Variants in PCLO observed in about 807,000 individuals in gnomAD.
The protein encoded by PCLO is protein piccolo.
In PCLO, 82 loss-of-function variants were observed where a neutral mutation model predicts 427.5. The observed-to-expected ratio is 0.19, with a 90% CI of 0.16 to 0.23. The LOEUF (loss-of-function observed/expected upper bound fraction) is 0.23, where lower values mean the gene tolerates loss of function less well. Among genes scored for constraint, PCLO ranks in the 10% least tolerant of loss-of-function variants. The probability of loss-of-function intolerance (pLI) is 1.00; values close to 1 mark genes in which losing one functional copy is unlikely to be tolerated. For synonymous variants in PCLO, 2,357 were observed against 2,155.4 expected (o/e 1.09, Z -2.59); for missense variants, 6,239 against 6,115.9 (o/e 1.02, Z -0.67).
At chr7:82,870,663 G>A (rs1423786491) in intron 10 of PCLO, among the ~76,000 whole-genome samples, 8 of 152,036 alleles carry the variant, frequency 5.3e-5, no homozygotes, top group African/African-American at 1.4e-4. Context: ...CCTACAGAAT[G>A]GGAGAAAATA....
In PCLO at chr7:83,004,642, AT is replaced by A. The variant is rs1448836354; in HGVS notation, c.3301-38156del. Among the ~76,000 whole-genome samples the A allele has an allele frequency of 9.6e-4, 24 of 24,976 alleles. No homozygotes were observed. In the East Asian group the frequency reaches 0.022, roughly 23 times the overall value. 16.4% of individuals were successfully genotyped at this position (24,976 alleles called of 152,430 possible). A position where few individuals can be genotyped will look rare whatever the true frequency, so the allele number is the denominator to read the frequency against. On this transcript the variant is annotated intron_variant, in intron 3 of 24. Coordinates refer to ENST00000333891, the MANE Select transcript of PCLO (RefSeq NM_033026.6). Reference sequence around the variant, plus strand: ...TTTTTTAGATATAACACTAAAAAACATAACACTAAAAAACAAAAGCAAAGTA... The same window carrying A: ...TTTTTTAGATATAACACTAAAAAACAAACACTAAAAAACAAAAGCAAAGTA...
chr7:82,902,814 G>A, intron 8 of PCLO, 73 bp from the exon 9 acceptor site: 3 of 739,138 alleles, frequency 4.1e-6, no homozygotes, highest in Admixed American at 4.4e-5. Flanking sequence ...TAATTAGAAT[G>A]GTTCATTTCA....
chr7:82,941,814 T>A (rs2116385478), intron 6 of PCLO, among the ~76,000 whole-genome samples: 1 of 152,326 alleles, frequency 6.6e-6, no homozygotes, highest in Admixed American at 6.5e-5. Flanking sequence ...TTATTCATTT[T>A]TCCAGTAAGA....
intron 1 of PCLO, among the ~76,000 whole-genome samples, chr7:83,160,296 T>A (rs1792401492): frequency 6.6e-6 from 1 of 152,138 alleles, no homozygotes; most frequent in African/African-American, 2.4e-5. Context: ...TAAAAACCCA[T>A]GCTGTCAATC....
chr7:83,065,191 T>G (rs1789637441), intron 3 of PCLO, among the ~76,000 whole-genome samples: 1 of 152,026 alleles, frequency 6.6e-6, no homozygotes, highest in Non-Finnish European at 1.5e-5. Context: ...GGGAGTAGGC[T>G]TCTTGTAGCC....
intron 3 of PCLO, among the ~76,000 whole-genome samples, chr7:83,098,740 T>A (rs1338734596): frequency 6.6e-6 from 1 of 152,152 alleles, no homozygotes; most frequent in South Asian, 2.1e-4. Context: ...ACTACTCTTT[T>A]ATACTCAAGG....
At chr7:82,911,540 A>C (rs1357080914) in intron 7 of PCLO, among the ~76,000 whole-genome samples, 6 of 152,136 alleles carry the variant, frequency 3.9e-5, no homozygotes, top group Non-Finnish European at 8.8e-5. Flanking sequence ...ACAGTTACAT[A>C]AACAGTTTAA....
intron 3 of PCLO, among the ~76,000 whole-genome samples, chr7:83,106,006 A>T (rs1790845435): frequency 6.6e-6 from 1 of 152,238 alleles, no homozygotes; most frequent in Admixed American, 6.5e-5. Flanking sequence ...AAACATTTCA[A>T]AACACAGAGA....
chr7:82,953,198 C>A lies in PCLO; in HGVS notation c.7755G>T (p.Leu2585Phe). 6.2e-7 allele frequency: 1 copy of A among 1,613,880 alleles called. No individual in the cohort carries two copies. The highest frequency in any genetic ancestry group is 8.5e-7 in the Non-Finnish European group (1 of 1,179,860). The change falls in exon 5 of 25, where the codon TTG becomes TTT. Residue 2585 changes from leucine (L) to phenylalanine (F), a missense_variant. By Grantham distance (22) the Leu-to-Phe change is conservative. Transcript: ENST00000333891. ...SLTETYVVITLPSEPGTPTDS... is the reference protein window; with the variant it reads ...SLTETYVVITFPSEPGTPTDS... Reference sequence around the variant, plus strand: ...CTGTTGGAGTCCCTGGTTCAGATGGCAATGTAATAACTACATAAGTTTCTG... The same window carrying A: ...CTGTTGGAGTCCCTGGTTCAGATGGAAATGTAATAACTACATAAGTTTCTG...
rs575277333 is a variant in PCLO at position 83,065,561 on chromosome 7, A to G, written c.3300+68689T>C. ...AAACTATCTGTTGAAGATTCCAAAA[A>G]GAGAACTGAACTTCTCTCCTGTCTC... On this transcript the variant is annotated intron_variant, in intron 3 of 24. Transcript: ENST00000333891. Among the ~76,000 whole-genome samples the G allele has an allele frequency of 9.8e-3, 1,489 of 151,788 alleles. 29 individuals are homozygous for G. Among genetic ancestry groups the G allele is most frequent in the African/African-American group, 0.034 (1,424 of 41,490 alleles).
chr7:83,093,492 A>ATATATATTTT, intron 3 of PCLO, among the ~76,000 whole-genome samples: 44 of 58,900 alleles, frequency 7.5e-4, no homozygotes, highest in Non-Finnish European at 1.2e-3. Context: ...ATATATATAT[A>ATATATATTTT]TTTTTTTTTT....
chr7:83,007,226 C>G (rs1336637011), intron 3 of PCLO, among the ~76,000 whole-genome samples: 2 of 151,158 alleles, frequency 1.3e-5, no homozygotes, highest in East Asian at 3.9e-4. Flanking sequence ...CAAACAATTC[C>G]CAAGGGAAAA....
chr7:82,795,476 A>T (rs6972150), intron 22 of PCLO, among the ~76,000 whole-genome samples: 128,648 of 152,172 alleles, frequency 0.85, 54,466 homozygotes, highest in East Asian at 0.93. Flanking sequence ...GCCCAAACCA[A>T]TTAAGATAGT....
In PCLO at chr7:82,754,506, A is replaced by G. The variant is rs1790277367; in HGVS notation, c.*4069T>C. ...ACCAAACAAATATACAGACACAATC[A>G]AACAATAATCATATTCACATGCTAA... On this transcript the variant is annotated 3_prime_UTR_variant, in exon 25 of 25. Transcript: ENST00000333891. The G allele has an allele frequency of 6.6e-6, 1 of 152,132 alleles. No individual in the cohort carries two copies. Among genetic ancestry groups the G allele is most frequent in the Admixed American group, 6.5e-5 (1 of 15,270 alleles). The allele number at this position is 152,132 out of a possible 1,614,324, so 9.4% of individuals were successfully genotyped here. A position where few individuals can be genotyped will look rare whatever the true frequency, so the allele number is the denominator to read the frequency against.
intron 1 of PCLO, among the ~76,000 whole-genome samples, chr7:83,161,211 T>C (rs563890934): frequency 2.7e-5 from 4 of 148,554 alleles, no homozygotes; most frequent in African/African-American, 9.9e-5. Context: ...AAAATTATGC[T>C]TACGTGATAG....
At chr7:83,121,545 T>G (rs770126485) in intron 3 of PCLO, among the ~76,000 whole-genome samples, 66 of 152,086 alleles carry the variant, frequency 4.3e-4, no homozygotes, top group Non-Finnish European at 8.7e-4. Flanking sequence ...ACACTGAATG[T>G]AAATGGACTG....
intron 15 of PCLO, among the ~76,000 whole-genome samples, chr7:82,836,155 C>G (rs1375370254): frequency 1.3e-5 from 2 of 152,090 alleles, no homozygotes; most frequent in Non-Finnish European, 2.9e-5. Flanking sequence ...TTGTAACATT[C>G]TAATTGACAC....
chr7:83,065,007 G>A (rs1478161936), intron 3 of PCLO, among the ~76,000 whole-genome samples: 1 of 149,866 alleles, frequency 6.7e-6, no homozygotes, highest in Non-Finnish European at 1.5e-5. Context: ...CACTGGAATC[G>A]TTTTGTGTAC....
Position 83,134,549 on chromosome 7 carries a change from T to C in PCLO, c.3001A>G (p.Lys1001Glu). ...AKSIPVKKET[K>E]APAAEKLEPK... Reference sequence around the variant, plus strand: ...TCTAATTTTTCAGCTGCTGGGGCTTTTGTTTCCTTTTTCACAGGTATACTT... The same window carrying C: ...TCTAATTTTTCAGCTGCTGGGGCTTCTGTTTCCTTTTTCACAGGTATACTT... Residue 1001 changes from lysine (K) to glutamate (E), a missense_variant, in exon 3 of 25, where the codon AAA (lysine) becomes GAA (glutamate). By Grantham distance (56) the Lys-to-Glu change is moderately conservative. Around this residue, in one of 5 missense-constraint regions of PCLO, gnomAD observed 4,677 missense variants for 4,468.4 expected, o/e 1.05. Transcript: ENST00000333891. 5.0e-6 allele frequency: 8 copies of C among 1,613,938 alleles called. No homozygotes were observed. Among genetic ancestry groups the C allele is most frequent in the Non-Finnish European group, 5.9e-6 (7 of 1,179,884 alleles).
Sources: gnomAD v4.1 joint callset for allele counts (sites outside exome capture counted in the v4.1 genomes callset) on GRCh38, gnomAD v4.1.1 for gene constraint, gnomAD v4.1.1 regional missense constraint, MANE v1.5 for transcripts, NCBI Gene and HGNC (gene_info 2026-07-23, HGNC 2026-07-21) for gene names.